ZNF519: variants seen among roughly 807,000 people sequenced by gnomAD.
ZNF519 encodes the protein zinc finger protein 519.
In ZNF519, 7 loss-of-function variants were observed where a neutral mutation model predicts 7.4. The ratio of observed to expected loss-of-function variants is 0.94; its 90% CI spans 0.54 to 1.77. The LOEUF (loss-of-function observed/expected upper bound fraction) is 1.77. Ranked by LOEUF, ZNF519 falls within the 40% of genes most tolerant of loss-of-function variation. The pLI, the probability that ZNF519 is intolerant of heterozygous loss-of-function variation, is 0.00. For synonymous variants in ZNF519, 179 were observed against 203.3 expected, an observed-to-expected ratio of 0.88 and a Z score of 1.02; for missense variants, 586 against 623.1, an observed-to-expected ratio of 0.94 and a Z score of 0.63.
intron 2 of ZNF519, chr18:14,122,232 G>A (rs964312742): frequency 5.9e-5 from 9 of 152,070 alleles, no homozygotes; most frequent in African/African-American, 1.9e-4. Flanking sequence ...ACACTTTGAG[G>A]TAAAATAACA....
chr18:14,129,046 C>T (rs1225643674), intron 1 of ZNF519, among the ~76,000 whole-genome samples: 14 of 152,074 alleles, frequency 9.2e-5, no homozygotes, highest in Admixed American at 9.2e-4. Flanking sequence ...AAGATGCTAT[C>T]AAGAACTATG....
intron 2 of ZNF519, among the ~76,000 whole-genome samples, chr18:14,119,316 T>C (rs1211142849): frequency 6.6e-6 from 1 of 152,162 alleles, no homozygotes; most frequent in Admixed American, 6.5e-5. Context: ...ATCCTTCAAA[T>C]GTACAGAAAC....
chr18:14,085,754 T>C (rs1008281303), intron 2 of ZNF519, among the ~76,000 whole-genome samples: 7 of 151,958 alleles, frequency 4.6e-5, no homozygotes, highest in Non-Finnish European at 1.0e-4. Context: ...CCCAGCACAG[T>C]AAAACACAGG....
chr18:14,130,811 C>G (rs1208831439), intron 1 of ZNF519, among the ~76,000 whole-genome samples: 3 of 149,786 alleles, frequency 2.0e-5, no homozygotes, highest in African/African-American at 7.4e-5. Flanking sequence ...GGCTGACAAG[C>G]AATGTGTTTC....
At chr18:14,077,828 T>TC (rs2046053944) in intron 4 of ZNF519, among the ~76,000 whole-genome samples, 1 of 152,118 alleles carries the variant, frequency 6.6e-6, no homozygotes, top group Non-Finnish European at 1.5e-5. Flanking sequence ...TTCCCCAAAT[T>TC]CCTGAGCCAA....
At chr18:14,094,230 C>G (rs1390002400) in intron 2 of ZNF519, among the ~76,000 whole-genome samples, 1 of 152,290 alleles carries the variant, frequency 6.6e-6, no homozygotes, top group East Asian at 1.9e-4. Flanking sequence ...GAGTGTTGAA[C>G]TAGTAACAGG....
At chr18:14,130,622 A>G (rs2143178962) in intron 1 of ZNF519, among the ~76,000 whole-genome samples, 1 of 151,656 alleles carries the variant, frequency 6.6e-6, no homozygotes, top group Admixed American at 6.6e-5. Context: ...CTCAATGCCC[A>G]CCCTCCCAGG....
exon 5 of ZNF519, chr18:14,076,002 A>T (rs2046046188): frequency 6.6e-6 from 1 of 152,120 alleles, no homozygotes; most frequent in Non-Finnish European, 1.5e-5. Flanking sequence ...CTACAAAGTA[A>T]GCAATTTATT....
At chr18:14,109,044 T>C (rs1167993059) in intron 2 of ZNF519, among the ~76,000 whole-genome samples, 2 of 151,786 alleles carry the variant, frequency 1.3e-5, no homozygotes, top group Non-Finnish European at 2.9e-5. Flanking sequence ...GAGGCAGAGG[T>C]TGCAGGGAGC....
At chr18:14,126,448 T>C (rs1399082244) in intron 1 of ZNF519, among the ~76,000 whole-genome samples, 1 of 152,198 alleles carries the variant, frequency 6.6e-6, no homozygotes, top group Non-Finnish European at 1.5e-5. Flanking sequence ...TGTCCATGAA[T>C]AGACCTTCAG....
intron 2 of ZNF519, 170 bp downstream of exon 2, chr18:14,124,180 A>T: frequency 1.9e-6 from 1 of 518,106 alleles, no homozygotes; most frequent in Non-Finnish European, 2.9e-6. Context: ...TCTCAATTAA[A>T]AAAAAAAAAA....
At chr18:14,121,891 T>A (rs976659742) in intron 2 of ZNF519, 2 of 152,178 alleles carry the variant, frequency 1.3e-5, no homozygotes, top group Non-Finnish European at 2.9e-5. Context: ...CTTAGCAATG[T>A]TCTAAGCTCA....
intron 2 of ZNF519, among the ~76,000 whole-genome samples, chr18:14,111,087 GAAAT>G (rs2046218229): frequency 1.0e-5 from 1 of 97,724 alleles, no homozygotes; most frequent in South Asian, 3.1e-4. Context: ...TAGAAGAAAA[GAAAT>G]AATAAAGATC....
chr18:14,127,435 T>C (rs1427656311), intron 1 of ZNF519, among the ~76,000 whole-genome samples: 2 of 152,142 alleles, frequency 1.3e-5, no homozygotes, highest in African/African-American at 4.8e-5. Flanking sequence ...TCTGCATTCT[T>C]GGGGGTTACA....
Position 14,105,876 on chromosome 18 carries a change from A to G in ZNF519, c.664T>C (p.Ser222Pro). ...ATTCTTTGATGTTGAGTAAGCTTTG[A>G]GAATGGGTCAGAAGTTTCACCACAT... is the stretch of plus-strand genomic sequence containing the variant. ...NECGETSDPF[S>P]KLTQHQRIYI... is the part of the protein sequence containing the mutation. The change falls in exon 3 of 3, where the codon TCA becomes CCA. Residue 222 changes from serine (S) to proline (P), a missense_variant. Transcript: ENST00000590202. The G allele has an allele frequency of 6.2e-7, 1 of 1,603,816 alleles. No individual in the cohort carries two copies.
chr18:14,118,545 T>C (rs961978756), intron 2 of ZNF519, among the ~76,000 whole-genome samples: 10 of 152,134 alleles, frequency 6.6e-5, no homozygotes, highest in Non-Finnish European at 1.3e-4. Context: ...CTGCCTATGG[T>C]TGGGGTTGTG....
chr18:14,105,531 G>C lies in ZNF519; in HGVS notation c.1009C>G (p.Gln337Glu). Reference sequence around the variant, plus strand: ...TCTCCAGTATGGATTCTCTGATGTTGAGTAAGGTATGAGCCTCTGTTAAAA... The same window carrying C: ...TCTCCAGTATGGATTCTCTGATGTTCAGTAAGGTATGAGCCTCTGTTAAAA... ...KAFNRGSYLT[Q>E]HQRIHTGERA... The change falls in exon 3 of 3, where the codon CAA becomes GAA. Residue 337 changes from glutamine (Q) to glutamate (E), a missense_variant. Physicochemically the swap from Gln to Glu is conservative, Grantham distance 29 (BLOSUM62 2). Coordinates refer to ENST00000590202, the MANE Select transcript of ZNF519 (RefSeq NM_145287.4). 6.2e-7 allele frequency: 1 copy of C among 1,613,972 alleles called. No individual in the cohort carries two copies. Among genetic ancestry groups the C allele is most frequent in the Non-Finnish European group, 8.5e-7 (1 of 1,179,992 alleles).
At chr18:14,071,277 G>A (rs1327477136), downstream of ZNF519, 2 of 151,932 alleles carry the variant, frequency 1.3e-5, no homozygotes, top group Admixed American at 6.6e-5. Context: ...AAAAATATGT[G>A]TACAAAATAC....
intron 1 of ZNF519, among the ~76,000 whole-genome samples, chr18:14,128,032 G>A (rs1567956692): frequency 2.0e-5 from 3 of 151,996 alleles, no homozygotes; most frequent in African/African-American, 7.3e-5. Context: ...GCTTACGCCT[G>A]TAATCCCAGC....
Sources: allele counts gnomAD v4.1 joint callset (sites outside exome capture counted in the v4.1 genomes callset), GRCh38; gene constraint gnomAD v4.1.1; transcripts MANE v1.5; gene names NCBI Gene and HGNC (gene_info 2026-07-23, HGNC 2026-07-21).